The following KMT2B variants were observed in gnomAD, a reference collection of about 807,000 sequenced individuals.
KMT2B encodes the protein lysine methyltransferase 2B, also known as histone-lysine N-methyltransferase 2B.
Under a neutral mutation model 255.3 loss-of-function variants are expected in KMT2B, and 22 were observed. The ratio of observed to expected loss-of-function variants is 0.09; its 90% CI spans 0.06 to 0.12. The LOEUF (loss-of-function observed/expected upper bound fraction) is 0.12. Among genes scored for constraint, KMT2B ranks in the 10% least tolerant of loss-of-function variants. The pLI is 1.00. For synonymous variants in KMT2B, 1,730 were observed against 1,498.1 expected (o/e 1.15, Z -3.57); for missense variants, 3,149 against 3,737.0 (o/e 0.84, Z 4.10).
rs375256866 is a variant in KMT2B at position 35,727,150 on chromosome 19, C to T, written c.4004-6C>T. On this transcript the variant is annotated splice_region_variant and splice_polypyrimidine_tract_variant and intron_variant, in intron 14 of 36. Coordinates refer to ENST00000420124, the MANE Select transcript of KMT2B (RefSeq NM_014727.3). The surrounding 1 kb of genome is among the most constrained non-coding windows in gnomAD (Gnocchi z 4.2). ...ACCTCTGACTCCTTCTCTTCCCTTT[C>T]TCTAGGAAACTACTGCCCGATCTGT... 64 of 1,604,054 alleles carry T rather than the reference C, an allele frequency of 4.0e-5. No homozygotes were observed. The African/African-American group carries it at 5.4e-4, about 13-fold the overall frequency.
In KMT2B at chr19:35,721,614, C is replaced by T. The variant is rs1568369908; in HGVS notation, c.2267C>T (p.Pro756Leu). The T allele has an allele frequency of 6.2e-7, 1 of 1,612,660 alleles. No individual in the cohort carries two copies. The highest frequency in any genetic ancestry group is 1.1e-5 in the South Asian group (1 of 91,044). ...CTCCTGCCCCAGGCACTACCGCCACCACAGCCACAGCTGCAGCCACCGCCG... is the reference window on the plus strand; with the variant it reads ...CTCCTGCCCCAGGCACTACCGCCACTACAGCCACAGCTGCAGCCACCGCCG... ...TQLLPQALPP[P>L]QPQLQPPPSP... The change falls in exon 3 of 37, where the codon CCA (proline) becomes CTA (leucine). Residue 756 changes from proline (P) to leucine (L), a missense_variant. By Grantham distance (98) the Pro-to-Leu change is moderately conservative. Coordinates refer to ENST00000420124, the MANE Select transcript of KMT2B (RefSeq NM_014727.3).
rs567044337 is a variant in KMT2B at position 35,725,737 on chromosome 19, C to T, written c.3804C>T (p.Cys1268=). 23 of 1,607,668 alleles carry T rather than the reference C, an allele frequency of 1.4e-5. No homozygotes were observed. The highest frequency in any genetic ancestry group is 1.1e-4 in the South Asian group (10 of 90,366). Residue 1268 remains cysteine, a synonymous_variant, in exon 13 of 37, where the codon TGC becomes TGT. Transcript: ENST00000420124. This position sits in a 1 kb window ranked among gnomAD's most constrained non-coding sequence, Gnocchi z 4.1. The part of the protein sequence containing the change: ...KGRGSKHLLE[C]ERCRHAYHPA... ...ACATCCAACAGCACCTCCTGGAGTG[C>T]GAGCGCTGCCGCCATGCATACCACC...
chr19:35,738,569 C>T lies in KMT2B; in HGVS notation c.*12C>T, dbSNP rs1254870844. ...GGTTCCTTAACTGAGGCCGTGGCTGCCCACCACGACCCCTCACACCTCCTG... is the reference window on the plus strand; with the variant it reads ...GGTTCCTTAACTGAGGCCGTGGCTGTCCACCACGACCCCTCACACCTCCTG... On this transcript the variant is annotated 3_prime_UTR_variant, in exon 37 of 37. Transcript: ENST00000420124. This position sits in a 1 kb window ranked among gnomAD's most constrained non-coding sequence, Gnocchi z 8.7. The T allele has an allele frequency of 1.2e-6, 2 of 1,606,500 alleles. No individual in the cohort carries two copies. Among genetic ancestry groups the T allele is most frequent in the Non-Finnish European group, 1.7e-6 (2 of 1,174,928 alleles).
Position 35,737,017 on chromosome 19 carries a change from G to C in KMT2B, c.7372+31G>C. The C allele has an allele frequency of 9.3e-6, 15 of 1,611,438 alleles. No homozygotes were observed. The highest frequency in any genetic ancestry group is 1.3e-5 in the Non-Finnish European group (15 of 1,178,616). On this transcript the variant is annotated intron_variant, in intron 32 of 36. Coordinates refer to ENST00000420124, the MANE Select transcript of KMT2B (RefSeq NM_014727.3). This position sits in a 1 kb window ranked among gnomAD's most constrained non-coding sequence, Gnocchi z 5.3. ...GAGTGGGCCCCACAGGGGGCAGGGA[G>C]CTGGATGTCTCCCCGAGGGCACCAT...
rs771790515 is a variant in KMT2B, at chr19:35,732,416, G to A, written c.5867G>A (p.Gly1956Glu). ...SVVTALTPTS[G>E]ELAPPGPAPS... Reference sequence around the variant, plus strand: ...GTCACAGCCCTCACACCTACCTCAGGGGAGCTGGCTCCCCCTGGCCCGGCC... The same window carrying A: ...GTCACAGCCCTCACACCTACCTCAGAGGAGCTGGCTCCCCCTGGCCCGGCC... The change falls in exon 28 of 37, where the codon GGG becomes GAG. Residue 1956 changes from glycine (G) to glutamate (E), a missense_variant. Gly to Glu is a moderately conservative substitution (Grantham distance 98). This residue lies in a region of KMT2B where 897 missense variants were observed against 825.3 expected (regional missense o/e 1.09). Transcript: ENST00000420124. 3.1e-6 allele frequency: 5 copies of A among 1,613,430 alleles called. No individual in the cohort carries two copies. The highest frequency in any genetic ancestry group is 3.3e-5 in the Admixed American group (2 of 59,972).
At position 35,737,386 on chromosome 19, in the gene KMT2B, T is replaced by C; in HGVS notation, c.7550+123T>C. 1 of 1,110,224 alleles carries C rather than the reference T, an allele frequency of 9.0e-7. No homozygotes were observed. The highest frequency in any genetic ancestry group is 1.2e-6 in the Non-Finnish European group (1 of 806,418). The allele number at this position is 1,110,224 out of a possible 1,614,324, so 68.8% of individuals were successfully genotyped here. A position where few individuals can be genotyped will look rare whatever the true frequency, so the allele number is the denominator to read the frequency against. ...AGGAGACACTAGGTCACTTGAAGAG[T>C]TATTTCTAGAGTTAGCCAGGCTCCG... On this transcript the variant is annotated intron_variant, in intron 33 of 36. Transcript: ENST00000420124. The surrounding 1 kb of genome is among the most constrained non-coding windows in gnomAD (Gnocchi z 5.3).
rs959046431 is a variant in KMT2B, at chr19:35,727,695, C to T, written c.4303-3C>T. The T allele has an allele frequency of 6.2e-7, 1 of 1,613,536 alleles. No individual in the cohort carries two copies. The highest frequency in any genetic ancestry group is 8.5e-7 in the Non-Finnish European group (1 of 1,179,888). ...CAGCCCTGCTAACTTCCCCGCTTTGCAGTGTGGGCCAGATGGGAAGCAACT... is the reference window on the plus strand; with the variant it reads ...CAGCCCTGCTAACTTCCCCGCTTTGTAGTGTGGGCCAGATGGGAAGCAACT... On this transcript the variant is annotated splice_polypyrimidine_tract_variant and splice_region_variant and intron_variant, in intron 16 of 36. Coordinates refer to ENST00000420124, the MANE Select transcript of KMT2B (RefSeq NM_014727.3). This position sits in a 1 kb window ranked among gnomAD's most constrained non-coding sequence, Gnocchi z 4.2.
Position 35,720,951 on chromosome 19 carries a change from G to A in KMT2B, c.1604G>A (p.Arg535His), listed in dbSNP as rs527331134. ...TTTATTATGCCTGTGGTGAGTGCCC[G>A]CTCCTCCCGTGTCATCAAGACACCC... ...RQFIMPVVSARSSRVIKTPRR... is the reference protein window; with the variant it reads ...RQFIMPVVSAHSSRVIKTPRR... The change falls in exon 3 of 37, where the codon CGC (arginine) becomes CAC (histidine). Residue 535 changes from arginine (R) to histidine (H), a missense_variant. Physicochemically the swap from Arg to His is conservative, Grantham distance 29. Transcript: ENST00000420124. 2.5e-6 allele frequency: 4 copies of A among 1,611,698 alleles called. No homozygotes were observed. The highest frequency in any genetic ancestry group is 2.2e-5 in the East Asian group (1 of 44,754).
At position 35,723,189 on chromosome 19, in the gene KMT2B, C is replaced by T. The variant is rs1969290528; in HGVS notation, c.2917C>T (p.Leu973=). The part of the protein sequence containing the change: ...MARCGHCRGC[L]RVQDCGSCVN... ...TCGATGTGGACACTGTCGGGGCTGC[C>T]TACGTGTGCAGGACTGTGGGTCCTG... The change falls in exon 6 of 37, where the codon CTA becomes TTA. Residue 973 remains leucine, a synonymous_variant. Coordinates refer to ENST00000420124, the MANE Select transcript of KMT2B (RefSeq NM_014727.3). The surrounding 1 kb of genome is among the most constrained non-coding windows in gnomAD (Gnocchi z 7.5). The T allele has an allele frequency of 1.2e-6, 2 of 1,613,402 alleles. No individual in the cohort carries two copies. The highest frequency in any genetic ancestry group is 1.7e-6 in the Non-Finnish European group (2 of 1,179,882).
intron 13 of KMT2B, among the ~76,000 whole-genome samples, 198 bp from the exon 14 acceptor site, chr19:35,726,038 C>T (rs1969425420): frequency 2.0e-5 from 3 of 152,194 alleles, no homozygotes; most frequent in Admixed American, 1.3e-4. Flanking sequence ...ATTCCGTGGG[C>T]TCAGAATCCC....
rs1969196527 is a variant in KMT2B, at chr19:35,721,285, C to T, written c.1938C>T (p.Leu646=). 6.5e-7 allele frequency: 1 copy of T among 1,543,830 alleles called. No homozygotes were observed. The highest frequency in any genetic ancestry group is 1.2e-5 in the South Asian group (1 of 83,842). ...APATSSRRPL[L]LRAPQFTPSE... ...CCACCTCCTCCCGGAGGCCCCTACT[C>T]CTTCGGGCCCCTCAGTTTACCCCAA... Residue 646 remains leucine, a synonymous_variant, in exon 3 of 37, where the codon CTC becomes CTT. Coordinates refer to ENST00000420124, the MANE Select transcript of KMT2B (RefSeq NM_014727.3).
Position 35,718,985 on chromosome 19 carries a change from T to A in KMT2B, c.364-484T>A, listed in dbSNP as rs1401763615. ...CAGGAAGGTGTGGGTTGCGTTGCCC[T>A]GGACGGTTAATAACAACCTGAGAGC... On this transcript the variant is annotated intron_variant, in intron 1 of 36. Coordinates refer to ENST00000420124, the MANE Select transcript of KMT2B (RefSeq NM_014727.3). This position sits in a 1 kb window ranked among gnomAD's most constrained non-coding sequence, Gnocchi z 5.0. Among the ~76,000 whole-genome samples, 1 of 152,174 alleles carries A rather than the reference T, an allele frequency of 6.6e-6. No homozygotes were observed. Among genetic ancestry groups the A allele is most frequent in the African/African-American group, 2.4e-5 (1 of 41,446 alleles).
chr19:35,738,791 A>G lies in KMT2B; in HGVS notation c.*234A>G. The G allele has an allele frequency of 1.8e-6, 1 of 562,490 alleles. No individual in the cohort carries two copies. The highest frequency in any genetic ancestry group is 3.1e-6 in the Non-Finnish European group (1 of 321,402). The allele number at this position is 562,490 out of a possible 1,614,324, so 34.8% of individuals were successfully genotyped here. On this transcript the variant is annotated 3_prime_UTR_variant, in exon 37 of 37. Transcript: ENST00000420124. This position sits in a 1 kb window ranked among gnomAD's most constrained non-coding sequence, Gnocchi z 8.7. ...ATGTAGATATTGTACAAAGGTTTCTAAATCCCTTCTTTTCTATGCACTTTT... is the reference window on the plus strand; with the variant it reads ...ATGTAGATATTGTACAAAGGTTTCTGAATCCCTTCTTTTCTATGCACTTTT...
rs1223409921 is a variant in KMT2B, at chr19:35,737,017, G to T, written c.7372+31G>T. 6.2e-7 allele frequency: 1 copy of T among 1,611,320 alleles called. No homozygotes were observed. The highest frequency in any genetic ancestry group is 2.2e-5 in the East Asian group (1 of 44,778). ...GAGTGGGCCCCACAGGGGGCAGGGA[G>T]CTGGATGTCTCCCCGAGGGCACCAT... On this transcript the variant is annotated intron_variant, in intron 32 of 36. Coordinates refer to ENST00000420124, the MANE Select transcript of KMT2B (RefSeq NM_014727.3). The surrounding 1 kb of genome is among the most constrained non-coding windows in gnomAD (Gnocchi z 5.3).
chr19:35,720,353 T>A lies in KMT2B; in HGVS notation c.1006T>A (p.Trp336Arg). The A allele has an allele frequency of 1.2e-6, 2 of 1,606,800 alleles. No individual in the cohort carries two copies. The highest frequency in any genetic ancestry group is 1.7e-6 in the Non-Finnish European group (2 of 1,176,702). ...GQGQGQHEESWQDVPQRRVGS... is the reference protein window; with the variant it reads ...GQGQGQHEESRQDVPQRRVGS... The stretch of plus-strand genomic sequence containing the variant: ...AGGTCAAGGTCAACATGAGGAAAGT[T>A]GGCAGGATGTCCCCCAAAGAAGAGT... Residue 336 changes from tryptophan (W) to arginine (R), a missense_variant, in exon 3 of 37, where the codon TGG becomes AGG. Trp to Arg is a moderately radical substitution (Grantham distance 101, BLOSUM62 -3). Transcript: ENST00000420124.
rs760885561 is a variant in KMT2B at position 35,723,005 on chromosome 19, G to A, written c.2733G>A (p.Ser911=). The A allele has an allele frequency of 6.9e-6, 11 of 1,597,368 alleles. No individual in the cohort carries two copies. The highest frequency in any genetic ancestry group is 2.7e-5 in the African/African-American group (2 of 74,652). The change falls in exon 6 of 37, where the codon TCG becomes TCA. Residue 911 remains serine (S), a synonymous_variant. Coordinates refer to ENST00000420124, the MANE Select transcript of KMT2B (RefSeq NM_014727.3). The surrounding 1 kb of genome is among the most constrained non-coding windows in gnomAD (Gnocchi z 7.5). ...TGCCTGCTGCAATAGATACATCATC[G>A]GCGTCCGAGACTGAGAGTGTCCCGT... ...RQDLATEDTS[S]ASETESVPSR...
Position 35,725,911 on chromosome 19 carries a change from G to T in KMT2B, c.3885+93G>T. On this transcript the variant is annotated intron_variant, in intron 13 of 36. Transcript: ENST00000420124. The surrounding 1 kb of genome is among the most constrained non-coding windows in gnomAD (Gnocchi z 4.1). The stretch of plus-strand genomic sequence containing the variant: ...TAGGCTGGGGCTCTCAGGAGGAGCA[G>T]AGGTTGGGGATCCTCTTAAGAATTG... 1 of 1,017,054 alleles carries T rather than the reference G, an allele frequency of 9.8e-7. No homozygotes were observed. Among genetic ancestry groups the T allele is most frequent in the South Asian group, 1.4e-5 (1 of 72,182 alleles). The allele number at this position is 1,017,054 out of a possible 1,614,324, so 63.0% of individuals were successfully genotyped here. A position where few individuals can be genotyped will look rare whatever the true frequency, so the allele number is the denominator to read the frequency against.
At position 35,722,715 on chromosome 19, in the gene KMT2B, G is replaced by C. The variant is rs2146443493; in HGVS notation, c.2719G>C (p.Glu907Gln). The part of the protein sequence containing the change: ...PLRDRQDLAT[E>Q]DTSSASETES... ...CCGGGATCGGCAGGACCTCGCCACA[G>C]AGGGTAGGTGGGGAGACTGGACAGC... The change falls in exon 5 of 37, where the codon GAG becomes CAG. Residue 907 changes from glutamate to glutamine, a missense_variant. By Grantham distance (29) the Glu-to-Gln change is conservative. Around this residue, in one of 18 missense-constraint regions of KMT2B, gnomAD observed 132 missense variants for 174.7 expected, o/e 0.76. Transcript: ENST00000420124. 1 of 1,593,308 alleles carries C rather than the reference G, an allele frequency of 6.3e-7. No individual in the cohort carries two copies.
Position 35,718,690 on chromosome 19 carries a change from T to A in KMT2B, c.363+309T>A, listed in dbSNP as rs1969057967. Among the ~76,000 whole-genome samples the A allele has an allele frequency of 6.6e-6, 1 of 152,196 alleles. No individual in the cohort carries two copies. The highest frequency in any genetic ancestry group is 6.5e-5 in the Admixed American group (1 of 15,288). On this transcript the variant is annotated intron_variant, in intron 1 of 36. Transcript: ENST00000420124. This position sits in a 1 kb window ranked among gnomAD's most constrained non-coding sequence, Gnocchi z 5.0. ...GTTTGGGCGAGGAGGCAGTGGGGAC[T>A]GCATGTCCAGCCAGTCGTGGTTGAC...
Sources: gnomAD v4.1 joint callset for allele counts (sites outside exome capture counted in the v4.1 genomes callset) on GRCh38, gnomAD v4.1.1 for gene constraint, gnomAD v4.1.1 regional missense constraint, Gnocchi (gnomAD v3.1) non-coding constraint, MANE v1.5 for transcripts, NCBI Gene and HGNC (gene_info 2026-07-23, HGNC 2026-07-21) for gene names.